Variants in BFSP1 observed in about 807,000 individuals in gnomAD.
BFSP1 encodes the protein beaded filament structural protein 1.
A neutral mutation model predicts 43.9 loss-of-function variants in BFSP1; 38 were observed. That is an observed-to-expected ratio of 0.87 (90% CI 0.67 to 1.14). BFSP1 has a LOEUF of 1.14. Ranked by LOEUF, BFSP1 falls within the 50% of genes most tolerant of loss-of-function variation. The probability of loss-of-function intolerance (pLI) is 0.00; values close to 1 mark genes in which losing one functional copy is unlikely to be tolerated. For missense variants in BFSP1, 850 were observed against 875.1 expected (o/e 0.97, Z 0.36); for synonymous variants, 352 against 354.8 (o/e 0.99, Z 0.09).
intron 2 of BFSP1, among the ~76,000 whole-genome samples, chr20:17,515,746 C>A (rs2034185491): frequency 6.6e-6 from 1 of 152,186 alleles, no homozygotes; most frequent in Non-Finnish European, 1.5e-5. Flanking sequence ...CCCAGTCTCC[C>A]AAGATACCTC....
At chr20:17,556,471 C>T (rs1335079350) in intron 1 of BFSP1, among the ~76,000 whole-genome samples, 1 of 151,972 alleles carries the variant, frequency 6.6e-6, no homozygotes, top group Non-Finnish European at 1.5e-5. Context: ...TGCACTCCAG[C>T]TTGGGTGACA....
rs757976937 is a variant in BFSP1 at position 17,498,874 on chromosome 20, G to A, written c.902C>T (p.Thr301Ile). 6.2e-7 allele frequency: 1 copy of A among 1,613,924 alleles called. No homozygotes were observed. The highest frequency in any genetic ancestry group is 8.5e-7 in the Non-Finnish European group (1 of 1,180,030). The change falls in exon 6 of 8, where the codon ACC (threonine) becomes ATC (isoleucine). Residue 301 changes from threonine to isoleucine, a missense_variant. Thr to Ile is a moderately conservative substitution (Grantham distance 89, BLOSUM62 -1). Coordinates refer to ENST00000377873, the MANE Select transcript of BFSP1 (RefSeq NM_001195.5). Reference sequence around the variant, plus strand: ...ATACCGGTCCAGCTCATTCTTCAGGGTTTGCTGGGCGACCGCCAGCTGCCG... The same window carrying A: ...ATACCGGTCCAGCTCATTCTTCAGGATTTGCTGGGCGACCGCCAGCTGCCG... The part of the protein sequence containing the change: ...DCRQLAVAQQ[T>I]LKNELDRYHR...
At chr20:17,539,141 T>A (rs28450133) in intron 1 of BFSP1, among the ~76,000 whole-genome samples, 3 of 116,068 alleles carry the variant, frequency 2.6e-5, no homozygotes, top group African/African-American at 3.5e-5. Flanking sequence ...TGCAATGGGG[T>A]CTTGCTCAGC....
intron 7 of BFSP1, 89 bp from the exon 8 acceptor site, chr20:17,495,118 G>T (rs939206018): frequency 1.5e-5 from 19 of 1,237,908 alleles, no homozygotes; most frequent in Non-Finnish European, 2.1e-5. Flanking sequence ...TAACTCTCTC[G>T]GAAACAAACG....
rs113532316 is a variant in BFSP1 at position 17,524,557 on chromosome 20, G to A, written c.438+291C>T. On this transcript the variant is annotated intron_variant, in intron 2 of 7. Coordinates refer to ENST00000377873, the MANE Select transcript of BFSP1 (RefSeq NM_001195.5). ...TTTGGTGTTGGGCATCAGTATGTCTGACAAGTAAAACAGCAGCTTGTCACT... is the reference window on the plus strand; with the variant it reads ...TTTGGTGTTGGGCATCAGTATGTCTAACAAGTAAAACAGCAGCTTGTCACT... Among the ~76,000 whole-genome samples the A allele has an allele frequency of 0.012, 1,783 of 152,332 alleles. 32 individuals carry two copies. Among genetic ancestry groups the A allele is most frequent in the African/African-American group, 0.041 (1,685 of 41,558 alleles).
rs1600624269 is a variant in BFSP1, at chr20:17,494,197, C to T, written c.1875G>A (p.Val625=). 5.0e-6 allele frequency: 8 copies of T among 1,613,996 alleles called. No homozygotes were observed. The highest frequency in any genetic ancestry group is 6.8e-6 in the Non-Finnish European group (8 of 1,180,052). Residue 625 remains valine (V), a synonymous_variant, in exon 8 of 8, where the codon GTG becomes GTA. Transcript: ENST00000377873. ...KALAYKTVEV[V]ESIEKISTES... ...CCGTGGAAATCTTCTCGATAGATTC[C>T]ACCACTTCCACTGTCTTATAGGCCA...
chr20:17,547,955 G>A (rs2034832855), intron 1 of BFSP1, among the ~76,000 whole-genome samples: 1 of 137,704 alleles, frequency 7.3e-6, no homozygotes, highest in Non-Finnish European at 1.5e-5. Flanking sequence ...CACCATCTTG[G>A]CCAGGTTGGT....
intron 7 of BFSP1, 101 bp from the exon 8 acceptor site, chr20:17,495,130 C>G: frequency 8.8e-7 from 1 of 1,138,264 alleles, no homozygotes; most frequent in Non-Finnish European, 1.2e-6. Context: ...AAACAAACGC[C>G]TATAGTACTA....
chr20:17,500,855 T>C (rs2033781245), intron 5 of BFSP1, among the ~76,000 whole-genome samples: 1 of 152,216 alleles, frequency 6.6e-6, no homozygotes. Flanking sequence ...CCAATCTCAT[T>C]CTTGAGTAGG....
At chr20:17,529,088 T>TGTGTGTGTGTGTGA (rs1354090649) in intron 1 of BFSP1, among the ~76,000 whole-genome samples, 1 of 150,434 alleles carries the variant, frequency 6.6e-6, no homozygotes, top group African/African-American at 2.5e-5. Flanking sequence ...TGTGTGTGTG[T>TGTGTGTGTGTGTGA]GTGAGACAGA....
chr20:17,540,398 A>G (rs1375321959), intron 1 of BFSP1, among the ~76,000 whole-genome samples: 1 of 151,262 alleles, frequency 6.6e-6, no homozygotes, highest in African/African-American at 2.4e-5. Context: ...ACTCCTTTAC[A>G]CCTCCCACCC....
intron 5 of BFSP1, among the ~76,000 whole-genome samples, chr20:17,505,050 T>C (rs1391013963): frequency 6.6e-6 from 1 of 152,172 alleles, no homozygotes; most frequent in East Asian, 1.9e-4. Flanking sequence ...GTTCCCACTT[T>C]GCAATTTTAA....
At chr20:17,550,521 A>G (rs1409267896) in intron 1 of BFSP1, among the ~76,000 whole-genome samples, 1 of 148,910 alleles carries the variant, frequency 6.7e-6, no homozygotes, top group Admixed American at 6.8e-5. Flanking sequence ...CTGGAGGGCA[A>G]TGGCGTGATC....
At chr20:17,548,201 A>G (rs960980780) in intron 1 of BFSP1, among the ~76,000 whole-genome samples, 2 of 141,822 alleles carry the variant, frequency 1.4e-5, no homozygotes, top group African/African-American at 2.6e-5. Flanking sequence ...AAAAAAAAAG[A>G]AAAACCCTCA....
intron 1 of BFSP1, among the ~76,000 whole-genome samples, chr20:17,565,334 T>C (rs141685946): frequency 2.6e-4 from 39 of 152,334 alleles, no homozygotes; most frequent in Admixed American, 6.5e-4. Context: ...TTTGACTTAG[T>C]AATTTTATGG....
chr20:17,494,140 C>A lies in BFSP1; in HGVS notation c.1932G>T (p.Val644=), dbSNP rs1372135457. 6 of 1,614,058 alleles carry A rather than the reference C, an allele frequency of 3.7e-6. No homozygotes were observed. Among genetic ancestry groups the A allele is most frequent in the Non-Finnish European group, 5.1e-6 (6 of 1,180,044 alleles). ...TCTTTCCAATCATGGTCTCCACGAT[C>A]ACAGCGGTTTCTTCATATGTCTGAA... is the stretch of plus-strand genomic sequence containing the variant. The part of the protein sequence containing the change: ...ESIQTYEETA[V]IVETMIGKTK... Residue 644 remains valine (V), a synonymous_variant, in exon 8 of 8, where the codon GTG becomes GTT. Transcript: ENST00000377873.
At chr20:17,553,808 C>CAT (rs1332594718) in intron 1 of BFSP1, among the ~76,000 whole-genome samples, 3 of 97,062 alleles carry the variant, frequency 3.1e-5, no homozygotes, top group Non-Finnish European at 6.2e-5. Flanking sequence ...CACACACACA[C>CAT]ACACACACAC....
intron 1 of BFSP1, among the ~76,000 whole-genome samples, chr20:17,545,753 C>G (rs945959980): frequency 6.6e-6 from 1 of 152,232 alleles, no homozygotes. Flanking sequence ...GATCATTATA[C>G]TTATGCTTTG....
chr20:17,514,126 C>T (rs1293305131), intron 3 of BFSP1, among the ~76,000 whole-genome samples: 1 of 152,236 alleles, frequency 6.6e-6, no homozygotes, highest in Non-Finnish European at 1.5e-5. Context: ...AGGTCTGCTA[C>T]ACTACTTCAC....
Sources: gnomAD v4.1 joint callset for allele counts (sites outside exome capture counted in the v4.1 genomes callset) on GRCh38, gnomAD v4.1.1 for gene constraint, MANE v1.5 for transcripts, NCBI Gene and HGNC (gene_info 2026-07-23, HGNC 2026-07-21) for gene names.